RIMS1: variants seen among roughly 807,000 people sequenced by gnomAD.
RIMS1 encodes regulating synaptic membrane exocytosis protein 1.
Under a neutral mutation model 214.1 loss-of-function variants are expected in RIMS1, and 83 were observed. The ratio of observed to expected loss-of-function variants is 0.39; its 90% CI spans 0.32 to 0.47. RIMS1 has a LOEUF of 0.47. Ranked by LOEUF, RIMS1 falls within the 20% of genes least tolerant of loss-of-function variation. RIMS1 has a pLI of 0.99. For synonymous variants in RIMS1, 793 were observed against 786.8 expected, an observed-to-expected ratio of 1.01 and a Z score of -0.13; for missense variants, 2,050 against 2,161.8, an observed-to-expected ratio of 0.95 and a Z score of 1.03.
chr6:72,395,634 A>C (rs556621946), intron 31 of RIMS1, among the ~76,000 whole-genome samples: 10 of 152,204 alleles, frequency 6.6e-5, no homozygotes, highest in African/African-American at 2.4e-4. Flanking sequence ...ATGAATAAGA[A>C]GTTATAAGAC....
intron 29 of RIMS1, among the ~76,000 whole-genome samples, chr6:72,346,163 G>A (rs1165478229): frequency 1.3e-5 from 2 of 151,714 alleles, no homozygotes; most frequent in Non-Finnish European, 3.0e-5. Context: ...AAACAATTTA[G>A]CAAAGTACCT....
chr6:72,147,100 A>G (rs1358514514), intron 4 of RIMS1, among the ~76,000 whole-genome samples: 1 of 152,228 alleles, frequency 6.6e-6, no homozygotes, highest in Non-Finnish European at 1.5e-5. Context: ...ACATGTCTAC[A>G]TTTTGAAGAC....
intron 6 of RIMS1, among the ~76,000 whole-genome samples, chr6:72,209,024 G>A (rs1482871429): frequency 1.3e-5 from 2 of 152,086 alleles, no homozygotes; most frequent in Admixed American, 1.3e-4. Flanking sequence ...AGTTCTCATT[G>A]AAGATCTCTT....
At chr6:72,233,723 ACTCTT>A (rs1205321255) in intron 6 of RIMS1, 45 bp from the exon 7 acceptor site, 11 of 1,281,420 alleles carry the variant, frequency 8.6e-6, no homozygotes, top group Admixed American at 2.0e-5. Flanking sequence ...AAAGTGATAC[ACTCTT>A]CTCTTTAATA....
chr6:72,242,040 G>T (rs548246711), intron 9 of RIMS1, among the ~76,000 whole-genome samples: 2 of 151,788 alleles, frequency 1.3e-5, no homozygotes, highest in African/African-American at 4.8e-5. Flanking sequence ...TATGATTTCT[G>T]GTATATCTCA....
chr6:72,313,654 G>A lies in RIMS1; in HGVS notation c.4112G>A (p.Arg1371His), dbSNP rs62407506. 201 of 1,612,806 alleles carry A rather than the reference G, an allele frequency of 1.2e-4. No homozygotes were observed. The highest frequency in any genetic ancestry group is 5.0e-4 in the South Asian group (45 of 90,822). Residue 1371 changes from arginine to histidine, a missense_variant, in exon 28 of 34, where the codon CGC becomes CAC. By Grantham distance (29) the Arg-to-His change is conservative (BLOSUM62 0). This residue lies in a region of RIMS1 where 889 missense variants were observed against 885.5 expected (regional missense o/e 1.00). Transcript: ENST00000521978. ...AGCTTTATGTCAGAGCAATCTGAGC[G>A]CCCCAGGGGTAGAATCAGGTGAGTT... ...STSFMSEQSERPRGRISSFTP... is the reference protein window; with the variant it reads ...STSFMSEQSEHPRGRISSFTP...
intron 17 of RIMS1, 29 bp from the exon 18 acceptor site, chr6:72,258,957 G>T: frequency 6.2e-7 from 1 of 1,609,090 alleles, no homozygotes; most frequent in South Asian, 1.1e-5. Context: ...GATACAATTT[G>T]ACACATAAGA....
At chr6:72,144,098 C>T (rs1203009977) in intron 4 of RIMS1, among the ~76,000 whole-genome samples, 1 of 152,172 alleles carries the variant, frequency 6.6e-6, no homozygotes, top group Non-Finnish European at 1.5e-5. Flanking sequence ...ACTAAAGCAG[C>T]ATATCATTAT....
intron 4 of RIMS1, among the ~76,000 whole-genome samples, chr6:72,164,397 C>A (rs1171697094): frequency 1.3e-5 from 2 of 152,182 alleles, no homozygotes; most frequent in African/African-American, 2.4e-5. Context: ...CACCCACTGT[C>A]CTGCACCCAC....
Position 72,265,496 on chromosome 6 carries a change from C to T in RIMS1, c.3301C>T (p.Leu1101=), listed in dbSNP as rs765280842. The change falls in exon 21 of 34, where the codon CTG becomes TTG. Residue 1101 remains leucine (L), a synonymous_variant. Transcript: ENST00000521978. ...AGTATTGAGATTTACTGATGAAATA[C>T]TGGTTAGGTAAGAACATTTGGAAGT... ...STVLRFTDEI[L]VSELQPFLDR... 4.5e-6 allele frequency: 7 copies of T among 1,546,168 alleles called. No homozygotes were observed. Among genetic ancestry groups the T allele is most frequent in the Admixed American group, 3.4e-5 (2 of 59,400 alleles).
chr6:71,971,932 T>C (rs1172775526), intron 2 of RIMS1, among the ~76,000 whole-genome samples: 1 of 152,142 alleles, frequency 6.6e-6, no homozygotes, highest in Admixed American at 6.5e-5. Flanking sequence ...GATTTTCATA[T>C]AGTGATTTTG....
At chr6:71,984,834 A>G (rs1023224821) in intron 2 of RIMS1, among the ~76,000 whole-genome samples, 4 of 151,546 alleles carry the variant, frequency 2.6e-5, no homozygotes, top group East Asian at 1.9e-4. Flanking sequence ...GTTTGTATCT[A>G]TCATCATTAT....
chr6:71,927,893 A>G (rs1363604928), intron 1 of RIMS1, among the ~76,000 whole-genome samples: 1 of 152,154 alleles, frequency 6.6e-6, no homozygotes, highest in African/African-American at 2.4e-5. Flanking sequence ...TATTTTTGAA[A>G]CTACACAATC....
chr6:72,230,039 C>CA (rs1463721196), intron 6 of RIMS1, among the ~76,000 whole-genome samples: 2 of 151,548 alleles, frequency 1.3e-5, no homozygotes, highest in Non-Finnish European at 3.0e-5. Flanking sequence ...ATAGAGGACT[C>CA]AAAAAAGTAA....
chr6:72,271,743 G>A (rs1378265079), intron 22 of RIMS1, among the ~76,000 whole-genome samples: 5 of 151,952 alleles, frequency 3.3e-5, no homozygotes, highest in African/African-American at 1.2e-4. Context: ...TCTATTTCTT[G>A]GTTAAGGTTC....
intron 5 of RIMS1, among the ~76,000 whole-genome samples, chr6:72,181,156 G>A (rs1308627143): frequency 6.6e-6 from 1 of 152,182 alleles, no homozygotes; most frequent in Non-Finnish European, 1.5e-5. Context: ...AATTAACAAG[G>A]ATGCTAATTT....
intron 1 of RIMS1, among the ~76,000 whole-genome samples, chr6:71,954,918 CT>C (rs1313630437): frequency 6.6e-6 from 1 of 151,554 alleles, no homozygotes; most frequent in Non-Finnish European, 1.5e-5. Context: ...CTTTCTGATT[CT>C]TGTCATCATT....
intron 1 of RIMS1, among the ~76,000 whole-genome samples, chr6:71,887,635 C>T (rs1768203519): frequency 6.6e-6 from 1 of 151,988 alleles, no homozygotes; most frequent in South Asian, 2.1e-4. Flanking sequence ...TTTAGCTGGT[C>T]GGGGTTACCC....
chr6:72,017,801 T>A (rs760212737), intron 2 of RIMS1, among the ~76,000 whole-genome samples: 28 of 152,188 alleles, frequency 1.8e-4, no homozygotes, highest in Non-Finnish European at 3.7e-4. Context: ...AAGAAAGGGC[T>A]TAACTAAGAA....
Sources: allele counts gnomAD v4.1 joint callset (sites outside exome capture counted in the v4.1 genomes callset), GRCh38; gene constraint gnomAD v4.1.1; regional missense constraint gnomAD v4.1.1; transcripts MANE v1.5; gene names NCBI Gene and HGNC (gene_info 2026-07-23, HGNC 2026-07-21).